The following PDLIM5 variants were observed in gnomAD, a reference collection of about 807,000 sequenced individuals.
PDLIM5 encodes the protein PDZ and LIM domain 5, also known as PDZ and LIM domain protein 5.
Under a neutral mutation model 64.2 loss-of-function variants are expected in PDLIM5, and 34 were observed. The ratio of observed to expected loss-of-function variants is 0.53; its 90% CI spans 0.40 to 0.71. The LOEUF is 0.71. Ranked by LOEUF, PDLIM5 falls within the 30% of genes least tolerant of loss-of-function variation. The pLI is 0.00. For missense variants in PDLIM5, 683 were observed against 733.6 expected, an observed-to-expected ratio of 0.93 and a Z score of 0.80; for synonymous variants, 253 against 269.1, an observed-to-expected ratio of 0.94 and a Z score of 0.59.
chr4:94,564,755 A>T (rs1348989918), intron 3 of PDLIM5, among the ~76,000 whole-genome samples: 3 of 144,506 alleles, frequency 2.1e-5, no homozygotes, highest in East Asian at 4.1e-4. Flanking sequence ...TCCTGGGTTC[A>T]AGCGATTCTC....
intron 7 of PDLIM5, among the ~76,000 whole-genome samples, chr4:94,603,036 G>A (rs1737624543): frequency 6.6e-6 from 1 of 152,094 alleles, no homozygotes; most frequent in South Asian, 2.1e-4. Flanking sequence ...CTGAATCCTG[G>A]AAGAACTTAG....
intron 3 of PDLIM5, among the ~76,000 whole-genome samples, chr4:94,555,885 A>ATTTATT (rs979542427): frequency 6.6e-6 from 1 of 151,068 alleles, no homozygotes; most frequent in Admixed American, 6.6e-5. Context: ...AAGTTTATTT[A>ATTTATT]TTTATTTTTA....
At chr4:94,520,789 T>C (rs533392350) in intron 2 of PDLIM5, among the ~76,000 whole-genome samples, 6 of 152,278 alleles carry the variant, frequency 3.9e-5, no homozygotes, top group African/African-American at 1.4e-4. Context: ...GGTTAGAGAT[T>C]CCAAAAAGAC....
chr4:94,484,593 A>T (rs376723923), intron 2 of PDLIM5, among the ~76,000 whole-genome samples: 1 of 152,162 alleles, frequency 6.6e-6, no homozygotes, highest in African/African-American at 2.4e-5. Flanking sequence ...CTCATTTTAC[A>T]AACTAGGAGA....
intron 2 of PDLIM5, among the ~76,000 whole-genome samples, chr4:94,499,167 C>G (rs1446716116): frequency 6.6e-6 from 1 of 152,034 alleles, no homozygotes; most frequent in Non-Finnish European, 1.5e-5. Context: ...GAAGCCTTCT[C>G]TGAAAAATAA....
intron 3 of PDLIM5, among the ~76,000 whole-genome samples, chr4:94,527,203 C>T (rs150707658): frequency 2.4e-4 from 36 of 151,806 alleles, no homozygotes; most frequent in Middle Eastern, 3.4e-3. Flanking sequence ...ACTAAAGGCA[C>T]GCATCACCAC....
intron 2 of PDLIM5, among the ~76,000 whole-genome samples, chr4:94,485,849 C>CAAAA (rs10637280): frequency 5.0e-5 from 5 of 100,230 alleles, no homozygotes; most frequent in African/African-American, 1.9e-4. Context: ...GACTCCGTCT[C>CAAAA]AAAAAAAAAA....
In PDLIM5 at chr4:94,557,240, G is replaced by C. The variant is rs1166496443; in HGVS notation, c.249-16111G>C. On this transcript the variant is annotated intron_variant, in intron 3 of 12. Coordinates refer to ENST00000317968, the MANE Select transcript of PDLIM5 (RefSeq NM_006457.5). ...TAGATGTGTGGTATTATTTCTGAGG[G>C]CTCTGTTCTGTTCCATTGGTCTATA... Among the ~76,000 whole-genome samples the C allele has an allele frequency of 7.2e-5, 11 of 152,102 alleles. No individual in the cohort carries two copies. In the East Asian group the frequency reaches 1.5e-3, roughly 21 times the overall value.
At chr4:94,490,501 G>C (rs906196654) in intron 2 of PDLIM5, among the ~76,000 whole-genome samples, 1 of 152,036 alleles carries the variant, frequency 6.6e-6, no homozygotes, top group Non-Finnish European at 1.5e-5. Context: ...AGTGGAAAAA[G>C]AATTGGTTTG....
intron 2 of PDLIM5, 125 bp downstream of exon 2, chr4:94,455,509 C>A: frequency 1.4e-6 from 1 of 731,452 alleles, no homozygotes; most frequent in Non-Finnish European, 2.4e-6. Flanking sequence ...TTGATCTTGG[C>A]AAATTTGATT....
Position 94,618,111 on chromosome 4 carries a change from T to C in PDLIM5, c.1028T>C (p.Leu343Pro). 1 of 1,612,450 alleles carries C rather than the reference T, an allele frequency of 6.2e-7. No individual in the cohort carries two copies. The highest frequency in any genetic ancestry group is 8.5e-7 in the Non-Finnish European group (1 of 1,179,200). Residue 343 changes from leucine to proline, a missense_variant, in exon 8 of 13, where the codon CTC (leucine) becomes CCC (proline). Physicochemically the swap from Leu to Pro is moderately conservative, Grantham distance 98. Transcript: ENST00000317968. ...TCTGGCAGACCAGGGGTTACCAGCC[T>C]CACAGCTGCAGCTGCCTTCAAGCCT... ...PTSGRPGVTS[L>P]TAAAAFKPVG...
intron 2 of PDLIM5, among the ~76,000 whole-genome samples, chr4:94,505,573 A>G (rs918461344): frequency 6.6e-6 from 1 of 152,076 alleles, no homozygotes; most frequent in Non-Finnish European, 1.5e-5. Flanking sequence ...GAAGTCACCT[A>G]TATTTCTGAT....
chr4:94,585,447 TTATA>T (rs1336769347), intron 5 of PDLIM5, 114 bp from the exon 6 acceptor site: 11 of 643,832 alleles, frequency 1.7e-5, no homozygotes, highest in Non-Finnish European at 2.6e-5. Context: ...AGCAAACTGT[TTATA>T]TAAAAGGAAT....
At chr4:94,630,239 T>C (rs1171471357) in intron 8 of PDLIM5, among the ~76,000 whole-genome samples, 1 of 152,224 alleles carries the variant, frequency 6.6e-6, no homozygotes, top group African/African-American at 2.4e-5. Flanking sequence ...CTTCAGTGTT[T>C]TTAACAAGAA....
At chr4:94,587,038 G>A in intron 7 of PDLIM5, 1 of 1,598,854 alleles carries the variant, frequency 6.3e-7, no homozygotes, top group Non-Finnish European at 8.5e-7. Context: ...AAAATTACGT[G>A]ACTGGCACCA....
chr4:94,495,029 G>A (rs912751522), intron 2 of PDLIM5, among the ~76,000 whole-genome samples: 1 of 152,128 alleles, frequency 6.6e-6, no homozygotes, highest in African/African-American at 2.4e-5. Context: ...ACAGGCGTGA[G>A]CCACCATGCC....
At chr4:94,582,933 G>A (rs1232582841) in intron 5 of PDLIM5, 5 of 512,204 alleles carry the variant, frequency 9.8e-6, no homozygotes, top group Non-Finnish European at 1.7e-5. Flanking sequence ...CCACACTTCT[G>A]TAATGAAAAA....
At chr4:94,561,667 T>C (rs529858894) in intron 3 of PDLIM5, among the ~76,000 whole-genome samples, 1 of 152,322 alleles carries the variant, frequency 6.6e-6, no homozygotes, top group East Asian at 1.9e-4. Context: ...TTTTAGGGGA[T>C]CCTTGGAGCC....
chr4:94,463,896 G>A (rs944588961), intron 2 of PDLIM5, among the ~76,000 whole-genome samples: 6 of 152,190 alleles, frequency 3.9e-5, no homozygotes, highest in Non-Finnish European at 8.8e-5. Flanking sequence ...GAAGTTAACT[G>A]AAATCAGGTA....
Sources: gnomAD v4.1 joint callset for allele counts (sites outside exome capture counted in the v4.1 genomes callset) on GRCh38, gnomAD v4.1.1 for gene constraint, MANE v1.5 for transcripts, NCBI Gene and HGNC (gene_info 2026-07-23, HGNC 2026-07-21) for gene names.